The following BRIP1 variants were observed in gnomAD, a reference collection of about 807,000 sequenced individuals.
BRIP1 encodes the protein BRCA1 interacting DNA helicase 1.
BRIP1 carries 88 observed loss-of-function variants against 119.7 expected under a neutral mutation model. That is an observed-to-expected ratio of 0.74 (90% confidence interval 0.62 to 0.88). The LOEUF (loss-of-function observed/expected upper bound fraction) is 0.88, where lower values mean the gene tolerates loss of function less well. Among genes scored for constraint, BRIP1 ranks in the 40% least tolerant of loss-of-function variants. BRIP1 has a pLI of 0.00. For missense variants in BRIP1, 1,259 were observed against 1,455.4 expected (o/e 0.87, Z 2.20); for synonymous variants, 443 against 496.5 (o/e 0.89, Z 1.43).
intron 14 of BRIP1, among the ~76,000 whole-genome samples, chr17:61,747,275 A>G (rs1167902188): frequency 6.6e-6 from 1 of 152,138 alleles, no homozygotes. Flanking sequence ...GAACTAGAAA[A>G]AGAACAAAGT....
At chr17:61,818,954 G>C (rs892555626) in intron 6 of BRIP1, among the ~76,000 whole-genome samples, 52 of 152,026 alleles carry the variant, frequency 3.4e-4, no homozygotes, top group Non-Finnish European at 4.1e-4. Flanking sequence ...GGGAGGCCGA[G>C]GGGGGCAGAT....
At position 61,679,270 on chromosome 17, in the gene BRIP1, T is replaced by G. The variant is rs2061248209; in HGVS notation, c.*4026A>C. On this transcript the variant is annotated 3_prime_UTR_variant, in exon 20 of 20. Coordinates refer to ENST00000259008, the MANE Select transcript of BRIP1 (RefSeq NM_032043.3). The surrounding 1 kb of genome is among the most constrained non-coding windows in gnomAD (Gnocchi z 4.4). ...CTTAACAACAAAGCCTTATAGAAAC[T>G]TAGAAACAGTGCCAAATTTAAACCC... Among the ~76,000 whole-genome samples, 1 of 152,184 alleles carries G rather than the reference T, an allele frequency of 6.6e-6. No homozygotes were observed. The highest frequency in any genetic ancestry group is 1.5e-5 in the Non-Finnish European group (1 of 68,022).
chr17:61,686,612 T>C lies in BRIP1; in HGVS notation c.2576-447A>G, dbSNP rs2061368797. ...ATTTCAAGATTCTAGTCTCAAGTTT[T>C]TTTGTTCCCTTCCTCCACCAATTCC... On this transcript the variant is annotated intron_variant, in intron 18 of 19. Transcript: ENST00000259008. The surrounding 1 kb of genome is among the most constrained non-coding windows in gnomAD (Gnocchi z 5.4). Among the ~76,000 whole-genome samples, 1 of 152,150 alleles carries C rather than the reference T, an allele frequency of 6.6e-6. No homozygotes were observed. The highest frequency in any genetic ancestry group is 2.1e-4 in the South Asian group (1 of 4,828).
In BRIP1 at chr17:61,685,958, T is replaced by C. The variant is rs2144111495; in HGVS notation, c.2783A>G (p.His928Arg). 1.9e-6 allele frequency: 3 copies of C among 1,614,068 alleles called. No individual in the cohort carries two copies. Among genetic ancestry groups the C allele is most frequent in the African/African-American group, 1.3e-5 (1 of 75,054 alleles). Residue 928 changes from histidine to arginine, a missense_variant, in exon 19 of 20, where the codon CAT becomes CGT. Physicochemically the swap from His to Arg is conservative, Grantham distance 29. Around this residue, in one of 3 missense-constraint regions of BRIP1, gnomAD observed 753 missense variants for 891.8 expected, o/e 0.84. Coordinates refer to ENST00000259008, the MANE Select transcript of BRIP1 (RefSeq NM_032043.3). ...TTCCACAAAATTTTCTGGTGATAGA[T>C]GACTTGCTGCTTCCAGTAAATAAGG... ...TSPYLLEAAS[H>R]LSPENFVEDE...
At chr17:61,712,907 A>AG (rs2061802117) in intron 17 of BRIP1, among the ~76,000 whole-genome samples, 1 of 152,074 alleles carries the variant, frequency 6.6e-6, no homozygotes, top group Admixed American at 6.6e-5. Context: ...CATCTCAAAA[A>AG]AAAAAAAAAA....
chr17:61,718,895 C>T (rs1221006408), intron 16 of BRIP1, among the ~76,000 whole-genome samples: 1 of 152,128 alleles, frequency 6.6e-6, no homozygotes, highest in Non-Finnish European at 1.5e-5. Flanking sequence ...CTCCTTTATA[C>T]TTTAAATAAT....
In BRIP1 at chr17:61,799,216, G is replaced by A. The variant is rs2145306074; in HGVS notation, c.1224C>T (p.Tyr408=). 1 of 1,613,498 alleles carries A rather than the reference G, an allele frequency of 6.2e-7. No individual in the cohort carries two copies. The highest frequency in any genetic ancestry group is 2.2e-5 in the East Asian group (1 of 44,868). Residue 408 remains tyrosine (Y), a synonymous_variant, in exon 9 of 20, where the codon TAC becomes TAT. Transcript: ENST00000259008. The surrounding 1 kb of genome is among the most constrained non-coding windows in gnomAD (Gnocchi z 5.1). The part of the protein sequence containing the change: ...IEDCARESAS[Y]SVTEVQLRFA... Reference sequence around the variant, plus strand: ...ACCGAAGCTGAACTTCTGTTACACTGTAACTTGCTGATTCCCGAGCACAGT... The same window carrying A: ...ACCGAAGCTGAACTTCTGTTACACTATAACTTGCTGATTCCCGAGCACAGT...
rs935696039 is a variant in BRIP1 at position 61,753,982 on chromosome 17, C to G, written c.2098-9391G>C. ...AGCACTACTTTTAAATTTATCTAGA[C>G]TCTAAACATTTCTCACTATCTTTAC... On this transcript the variant is annotated intron_variant, in intron 14 of 19. Coordinates refer to ENST00000259008, the MANE Select transcript of BRIP1 (RefSeq NM_032043.3). The surrounding 1 kb of genome is among the most constrained non-coding windows in gnomAD (Gnocchi z 4.6). Among the ~76,000 whole-genome samples, 5 of 152,096 alleles carry G rather than the reference C, an allele frequency of 3.3e-5. No individual in the cohort carries two copies. Among genetic ancestry groups the G allele is most frequent in the Non-Finnish European group, 7.4e-5 (5 of 68,016 alleles).
At chr17:61,785,308 T>G (rs1370494796) in intron 10 of BRIP1, among the ~76,000 whole-genome samples, 2 of 152,186 alleles carry the variant, frequency 1.3e-5, no homozygotes, top group Non-Finnish European at 2.9e-5. Flanking sequence ...ACATGGCTCA[T>G]AAGTTTTAAT....
rs1421742919 is a variant in BRIP1, at chr17:61,843,811, AC to A, written c.627+3289del. Among the ~76,000 whole-genome samples the A allele has an allele frequency of 2.0e-5, 3 of 152,212 alleles. No homozygotes were observed. Among genetic ancestry groups the A allele is most frequent in the African/African-American group, 7.2e-5 (3 of 41,450 alleles). ...GCCCAGCCTCTGGTATTGCTTTATAACAATTCAAACAGACTATCACAGCTTG... is the reference window on the plus strand; with the variant it reads ...GCCCAGCCTCTGGTATTGCTTTATAAAATTCAAACAGACTATCACAGCTTG... On this transcript the variant is annotated intron_variant, in intron 6 of 19. Coordinates refer to ENST00000259008, the MANE Select transcript of BRIP1 (RefSeq NM_032043.3). This position sits in a 1 kb window ranked among gnomAD's most constrained non-coding sequence, Gnocchi z 5.7.
rs576381324 is a variant in BRIP1, at chr17:61,690,055, G to A, written c.2575+3375C>T. On this transcript the variant is annotated intron_variant, in intron 18 of 19. Coordinates refer to ENST00000259008, the MANE Select transcript of BRIP1 (RefSeq NM_032043.3). The surrounding 1 kb of genome is among the most constrained non-coding windows in gnomAD (Gnocchi z 5.6). ...GACATCTTGCATGCTGTAAGGAAGTGGGATGACATGTTTGAAGTGCTGAAA... is the reference window on the plus strand; with the variant it reads ...GACATCTTGCATGCTGTAAGGAAGTAGGATGACATGTTTGAAGTGCTGAAA... Among the ~76,000 whole-genome samples the A allele has an allele frequency of 6.6e-6, 1 of 152,136 alleles. No homozygotes were observed. The highest frequency in any genetic ancestry group is 1.5e-5 in the Non-Finnish European group (1 of 68,036).
intron 14 of BRIP1, among the ~76,000 whole-genome samples, chr17:61,747,804 T>C (rs2077077912): frequency 6.6e-6 from 1 of 152,130 alleles, no homozygotes; most frequent in Admixed American, 6.5e-5. Context: ...AATGTGATCA[T>C]AGTTCACTGT....
intron 10 of BRIP1, among the ~76,000 whole-genome samples, chr17:61,787,364 TTATA>T (rs1279940845): frequency 7.7e-5 from 10 of 129,974 alleles, no homozygotes; most frequent in African/African-American, 2.4e-4. Flanking sequence ...TATTAATATA[TTATA>T]TATAGTTATA....
rs1262203179 is a variant in BRIP1 at position 61,862,523 on chromosome 17, T to C, written c.-31+761A>G. On this transcript the variant is annotated intron_variant, in intron 1 of 19. Transcript: ENST00000259008. This position sits in a 1 kb window ranked among gnomAD's most constrained non-coding sequence, Gnocchi z 5.3. ...AATCCTCACCTCTTCTAAACCACTT[T>C]TCTTAACCTAGGATCCACGGATGTA... Among the ~76,000 whole-genome samples, 3 of 152,190 alleles carry C rather than the reference T, an allele frequency of 2.0e-5. No individual in the cohort carries two copies. In the East Asian group the frequency reaches 5.8e-4, roughly 29 times the overall value.
intron 16 of BRIP1, among the ~76,000 whole-genome samples, chr17:61,733,417 T>A (rs2076877201): frequency 6.6e-6 from 1 of 152,160 alleles, no homozygotes; most frequent in South Asian, 2.1e-4. Flanking sequence ...TTGAAAGCAC[T>A]GGTTTAACAT....
chr17:61,862,153 G>A lies in BRIP1; in HGVS notation c.-30-584C>T, dbSNP rs537120108. On this transcript the variant is annotated intron_variant, in intron 1 of 19. Transcript: ENST00000259008. This position sits in a 1 kb window ranked among gnomAD's most constrained non-coding sequence, Gnocchi z 5.3. ...GCCTGGTATGTTATCTTTGACTCAG[G>A]TATGTTATCTTTGACATATCTTTTT... is the stretch of plus-strand genomic sequence containing the variant. 6.5e-6 allele frequency: 1 copy of A among 153,914 alleles called. No homozygotes were observed. The highest frequency in any genetic ancestry group is 6.4e-5 in the Admixed American group (1 of 15,560). 9.5% of individuals were successfully genotyped at this position (153,914 alleles called of 1,614,324 possible).
chr17:61,723,281 G>A (rs1227045004), intron 16 of BRIP1, among the ~76,000 whole-genome samples: 1 of 152,114 alleles, frequency 6.6e-6, no homozygotes, highest in African/African-American at 2.4e-5. Flanking sequence ...AGGCTGGAAG[G>A]GATTAGTTGA....
At position 61,798,098 on chromosome 17, in the gene BRIP1, T is replaced by C. The variant is rs1000681734; in HGVS notation, c.1340+1002A>G. Among the ~76,000 whole-genome samples, 4 of 152,040 alleles carry C rather than the reference T, an allele frequency of 2.6e-5. No homozygotes were observed. The highest frequency in any genetic ancestry group is 2.0e-4 in the Admixed American group (3 of 15,244). On this transcript the variant is annotated intron_variant, in intron 9 of 19. Transcript: ENST00000259008. The surrounding 1 kb of genome is among the most constrained non-coding windows in gnomAD (Gnocchi z 5.5). ...ATGAAATTATGTATGTTCAAAGTTA[T>C]TCATTATAGCAGTTTAAGAGCAAAA...
rs1365765772 is a variant in BRIP1 at position 61,756,810 on chromosome 17, A to G, written c.2098-12219T>C. On this transcript the variant is annotated intron_variant, in intron 14 of 19. Transcript: ENST00000259008. The surrounding 1 kb of genome is among the most constrained non-coding windows in gnomAD (Gnocchi z 4.3). ...ATTGCATTAAGACCTCTTTGCCCTC[A>G]TTAGTGGTATTGTTACAATCCCAGT... 6.6e-6 allele frequency among the ~76,000 whole-genome samples: 1 copy of G among 152,192 alleles called. No homozygotes were observed. Among genetic ancestry groups the G allele is most frequent in the Non-Finnish European group, 1.5e-5 (1 of 68,016 alleles).
Sources: gnomAD v4.1 joint callset for allele counts (sites outside exome capture counted in the v4.1 genomes callset) on GRCh38, gnomAD v4.1.1 for gene constraint, gnomAD v4.1.1 regional missense constraint, Gnocchi (gnomAD v3.1) non-coding constraint, MANE v1.5 for transcripts, NCBI Gene and HGNC (gene_info 2026-07-23, HGNC 2026-07-21) for gene names.